The following RARB variants were observed in gnomAD, a reference collection of about 807,000 sequenced individuals.
The protein encoded by RARB is retinoic acid receptor beta.
RARB carries 17 observed loss-of-function variants against 51.9 expected under a neutral mutation model. The ratio of observed to expected loss-of-function variants is 0.33; its 90% confidence interval spans 0.22 to 0.49. The LOEUF (loss-of-function observed/expected upper bound fraction) is 0.49, where lower values mean the gene tolerates loss of function less well. Among genes scored for constraint, RARB ranks in the 20% least tolerant of loss-of-function variants. The pLI, the probability that RARB is intolerant of heterozygous loss-of-function variation, is 0.99. For missense variants in RARB, 369 were observed against 550.8 expected (o/e 0.67, Z 3.30); for synonymous variants, 215 against 195.4 (o/e 1.10, Z -0.84).
At chr3:25,048,554 G>C (rs1472281695) in intron 2 of RARB, among the ~76,000 whole-genome samples, 2 of 151,908 alleles carry the variant, frequency 1.3e-5, no homozygotes, top group Non-Finnish European at 2.9e-5. Flanking sequence ...ATTTATAATT[G>C]TGTCTACATT....
At chr3:25,228,178 T>C (rs1702096437) in intron 5 of RARB, among the ~76,000 whole-genome samples, 1 of 151,348 alleles carries the variant, frequency 6.6e-6, no homozygotes, top group Admixed American at 6.6e-5. Context: ...CAGAACTTCC[T>C]TTTTCATTGG....
chr3:25,391,015 G>A (rs987501946), intron 5 of RARB, among the ~76,000 whole-genome samples: 1 of 152,094 alleles, frequency 6.6e-6, no homozygotes, highest in Non-Finnish European at 1.5e-5. Context: ...AGTGCACACT[G>A]TTCGCAATGT....
chr3:25,570,773 G>T (rs1341795983), intron 4 of RARB, among the ~76,000 whole-genome samples: 2 of 152,174 alleles, frequency 1.3e-5, no homozygotes, highest in Non-Finnish European at 2.9e-5. Flanking sequence ...CTAGAATGTT[G>T]TTCTGGCCTC....
chr3:25,140,169 G>C (rs1018447591), intron 4 of RARB, among the ~76,000 whole-genome samples: 12 of 151,976 alleles, frequency 7.9e-5, no homozygotes, highest in African/African-American at 2.7e-4. Context: ...CAACTTTTAG[G>C]CCTTATTATT....
At chr3:24,907,612 G>A (rs1338913160) in intron 2 of RARB, among the ~76,000 whole-genome samples, 2 of 152,146 alleles carry the variant, frequency 1.3e-5, no homozygotes, top group African/African-American at 4.8e-5. Context: ...AATGTGAGGA[G>A]TAAGGATATG....
intron 5 of RARB, among the ~76,000 whole-genome samples, chr3:25,351,932 T>G (rs1017738553): frequency 2.0e-5 from 3 of 152,202 alleles, no homozygotes; most frequent in African/African-American, 4.8e-5. Context: ...TGTCGGAGTT[T>G]TCTGAGCCAT....
intron 5 of RARB, among the ~76,000 whole-genome samples, chr3:25,242,454 C>G (rs1575249084): frequency 6.6e-6 from 1 of 152,128 alleles, no homozygotes. Flanking sequence ...GTGTTTAAAT[C>G]TTTAATCCAT....
chr3:25,252,260 T>C (rs1234825665), intron 5 of RARB, among the ~76,000 whole-genome samples: 1 of 152,200 alleles, frequency 6.6e-6, no homozygotes, highest in Admixed American at 6.5e-5. Context: ...AGCTTTATAG[T>C]AAATTTGAAA....
intron 4 of RARB, among the ~76,000 whole-genome samples, chr3:25,173,060 A>G (rs1420526455): frequency 6.6e-6 from 1 of 152,202 alleles, no homozygotes; most frequent in Non-Finnish European, 1.5e-5. Flanking sequence ...ACATGAATAC[A>G]TTCAGAGGTT....
intron 2 of RARB, among the ~76,000 whole-genome samples, chr3:25,478,893 G>T (rs938453248): frequency 3.9e-5 from 6 of 152,176 alleles, no homozygotes; most frequent in African/African-American, 9.7e-5. Context: ...AATGTAAGCT[G>T]CTCCAGTCCT....
intron 5 of RARB, among the ~76,000 whole-genome samples, chr3:25,332,949 C>A (rs1704948459): frequency 6.6e-6 from 1 of 152,092 alleles, no homozygotes; most frequent in Admixed American, 6.6e-5. Flanking sequence ...GAATAAAATA[C>A]CTAGGAATCC....
At chr3:24,868,760 G>C (rs1702895805) in intron 2 of RARB, among the ~76,000 whole-genome samples, 1 of 152,114 alleles carries the variant, frequency 6.6e-6, no homozygotes, top group Non-Finnish European at 1.5e-5. Context: ...TCTTAACCCA[G>C]ACATTCCTAA....
At chr3:25,491,252 T>C (rs752834652) in intron 2 of RARB, among the ~76,000 whole-genome samples, 2 of 152,148 alleles carry the variant, frequency 1.3e-5, no homozygotes, top group Non-Finnish European at 2.9e-5. Context: ...TTGTGTTCTT[T>C]TGGCTTCTCC....
chr3:25,525,776 G>A (rs945619748), intron 3 of RARB, among the ~76,000 whole-genome samples: 2 of 152,112 alleles, frequency 1.3e-5, no homozygotes, highest in African/African-American at 4.8e-5. Context: ...CATCATGGAG[G>A]TAAAGGGGTC....
intron 4 of RARB, among the ~76,000 whole-genome samples, chr3:25,133,222 G>A (rs571981081): frequency 2.0e-5 from 3 of 151,870 alleles, no homozygotes; most frequent in East Asian, 1.9e-4. Flanking sequence ...TAACTTGAAC[G>A]TCTCCACATT....
At chr3:25,207,674 A>C (rs116627605) in intron 5 of RARB, among the ~76,000 whole-genome samples, 1,648 of 152,216 alleles carry the variant, frequency 0.011, 32 homozygotes, top group African/African-American at 0.038. Context: ...CCCTGTAAAG[A>C]GTTTTGTTTG....
At chr3:25,017,324 C>T (rs935699246) in intron 2 of RARB, among the ~76,000 whole-genome samples, 3 of 150,602 alleles carry the variant, frequency 2.0e-5, no homozygotes, top group African/African-American at 7.4e-5. Context: ...ACGTAGACCC[C>T]ACATAACCCA....
chr3:25,334,781 G>C (rs1705016436), intron 5 of RARB, among the ~76,000 whole-genome samples: 1 of 152,034 alleles, frequency 6.6e-6, no homozygotes, highest in Non-Finnish European at 1.5e-5. Flanking sequence ...ATGTGTGTTG[G>C]GAATTTTCTT....
chr3:24,976,589 T>C (rs926699834), intron 2 of RARB, among the ~76,000 whole-genome samples: 4 of 152,348 alleles, frequency 2.6e-5, no homozygotes, highest in African/African-American at 7.2e-5. Flanking sequence ...TGTCTGTTCA[T>C]ATCCTTTGTC....
Sources: allele counts gnomAD v4.1 joint callset (sites outside exome capture counted in the v4.1 genomes callset), GRCh38; gene constraint gnomAD v4.1.1; transcripts MANE v1.5; gene names NCBI Gene and HGNC (gene_info 2026-07-23, HGNC 2026-07-21).